LRRC40: variants seen among roughly 807,000 people sequenced by gnomAD.
LRRC40 encodes leucine rich repeat containing 40.
In LRRC40, 76 loss-of-function variants were observed where a neutral mutation model predicts 72.8. That is an observed-to-expected ratio of 1.04 (90% CI 0.87 to 1.26). The LOEUF (loss-of-function observed/expected upper bound fraction) is 1.26, where lower values mean the gene tolerates loss of function less well. Among genes scored for constraint, LRRC40 ranks in the 50% most tolerant of loss-of-function variants. The probability of loss-of-function intolerance (pLI) is 0.00; values close to 1 mark genes in which losing one functional copy is unlikely to be tolerated. For synonymous variants in LRRC40, 243 were observed against 254.2 expected (o/e 0.96, Z 0.42); for missense variants, 684 against 698.9 (o/e 0.98, Z 0.24).
At chr1:70,164,590 T>C (rs1205709361) in intron 9 of LRRC40, among the ~76,000 whole-genome samples, 1 of 152,156 alleles carries the variant, frequency 6.6e-6, no homozygotes, top group Non-Finnish European at 1.5e-5. Context: ...GACCTCACCC[T>C]TGGCAGGCAC....
intron 13 of LRRC40, 31 bp from the exon 14 acceptor site, chr1:70,148,703 T>C (rs746593054): frequency 7.3e-6 from 10 of 1,376,200 alleles, no homozygotes; most frequent in Non-Finnish European, 9.0e-6. Context: ...CACCTAAATA[T>C]ACTGGAATCA....
intron 3 of LRRC40, among the ~76,000 whole-genome samples, chr1:70,185,408 C>T (rs1668339277): frequency 6.6e-6 from 1 of 152,142 alleles, no homozygotes. Flanking sequence ...CTCATGAGTC[C>T]TGATGGTTTT....
chr1:70,179,098 A>G, intron 5 of LRRC40, 105 bp from the exon 6 acceptor site: 1 of 524,446 alleles, frequency 1.9e-6, no homozygotes, highest in Non-Finnish European at 3.2e-6. Flanking sequence ...AGGACTTATG[A>G]ACCTGTGCCA....
At chr1:70,154,368 GATAAA>G in intron 11 of LRRC40, among the ~76,000 whole-genome samples, 1 of 152,264 alleles carries the variant, frequency 6.6e-6, no homozygotes, top group East Asian at 1.9e-4. Flanking sequence ...CAGATAGTGA[GATAAA>G]ATGAGGCAGT....
intron 4 of LRRC40, among the ~76,000 whole-genome samples, chr1:70,184,510 G>A (rs1025558787): frequency 1.1e-4 from 17 of 151,956 alleles, no homozygotes; most frequent in Non-Finnish European, 2.2e-4. Context: ...CCTCTATTCT[G>A]CTATGCTGTA....
chr1:70,171,742 G>A (rs1035018058), intron 9 of LRRC40, among the ~76,000 whole-genome samples: 4 of 152,144 alleles, frequency 2.6e-5, no homozygotes, highest in African/African-American at 4.8e-5. Flanking sequence ...TATACTACTG[G>A]TGAGAATGTA....
rs1487890078 is a variant in LRRC40, at chr1:70,172,278, TAC to T, written c.1111+1185_1111+1186del. Among the ~76,000 whole-genome samples, 5 of 152,172 alleles carry T rather than the reference TAC, an allele frequency of 3.3e-5. No homozygotes were observed. In the South Asian group the frequency reaches 1.0e-3, roughly 31 times the overall value. On this transcript the variant is annotated intron_variant, in intron 9 of 14. Coordinates refer to ENST00000370952, the MANE Select transcript of LRRC40 (RefSeq NM_017768.5). ...CAATAAATTTCTGTTATTTATAAAT[TAC>T]AGTCTAAGATATTTTATTATAGTAG...
chr1:70,160,147 TAG>T (rs1667725445), intron 9 of LRRC40, among the ~76,000 whole-genome samples: 1 of 152,094 alleles, frequency 6.6e-6, no homozygotes. Context: ...ACTTGAACGA[TAG>T]AGAAGTAAAA....
intron 9 of LRRC40, among the ~76,000 whole-genome samples, chr1:70,163,234 G>C (rs1279485552): frequency 6.6e-6 from 1 of 151,860 alleles, no homozygotes; most frequent in Non-Finnish European, 1.5e-5. Context: ...CGCCACCATG[G>C]AACTTTATCA....
At chr1:70,194,336 C>T (rs1406585277) in intron 1 of LRRC40, among the ~76,000 whole-genome samples, 1 of 149,108 alleles carries the variant, frequency 6.7e-6, no homozygotes, top group Non-Finnish European at 1.5e-5. Context: ...AAAAGATTTA[C>T]AATACAAGAC....
chr1:70,148,791 T>C (rs1356794507), intron 13 of LRRC40, 119 bp from the exon 14 acceptor site: 2 of 552,292 alleles, frequency 3.6e-6, no homozygotes, highest in Non-Finnish European at 5.9e-6. Context: ...TATTCTGTAA[T>C]TGGCATTAAG....
chr1:70,180,975 A>C (rs1668231462), intron 5 of LRRC40, 111 bp downstream of exon 5: 4 of 728,698 alleles, frequency 5.5e-6, no homozygotes, highest in Non-Finnish European at 8.2e-6. Context: ...TGCATTTACC[A>C]CTATAAAAAT....
intron 1 of LRRC40, among the ~76,000 whole-genome samples, chr1:70,189,597 T>G (rs1037717406): frequency 2.0e-5 from 3 of 152,200 alleles, no homozygotes; most frequent in Non-Finnish European, 4.4e-5. Context: ...CAACAAAGAA[T>G]GCATTCTACC....
At chr1:70,184,682 CT>C in intron 4 of LRRC40, 102 bp downstream of exon 4, 7 of 1,051,724 alleles carry the variant, frequency 6.7e-6, no homozygotes, top group Non-Finnish European at 9.4e-6. Flanking sequence ...ACAAAATCAG[CT>C]GTCCATGTTC....
intron 1 of LRRC40, among the ~76,000 whole-genome samples, chr1:70,203,176 T>C (rs1668786321): frequency 6.6e-6 from 1 of 152,124 alleles, no homozygotes; most frequent in Non-Finnish European, 1.5e-5. Context: ...ATTACAGGCA[T>C]GAGCTACTAT....
intron 12 of LRRC40, chr1:70,151,865 A>G (rs1425618460): frequency 6.6e-6 from 1 of 152,124 alleles, no homozygotes; most frequent in African/African-American, 2.4e-5. Flanking sequence ...CAATATAACT[A>G]CTAATAATGA....
chr1:70,179,171 A>T (rs1571471756), intron 5 of LRRC40, among the ~76,000 whole-genome samples, 178 bp from the exon 6 acceptor site: 1 of 152,328 alleles, frequency 6.6e-6, no homozygotes, highest in East Asian at 1.9e-4. Context: ...ACATTTAATT[A>T]TAATTAAAGA....
At chr1:70,201,223 T>C (rs558400129) in intron 1 of LRRC40, among the ~76,000 whole-genome samples, 1 of 152,296 alleles carries the variant, frequency 6.6e-6, no homozygotes, top group Non-Finnish European at 1.5e-5. Flanking sequence ...TTTGAGGTAC[T>C]AATATTTTGG....
chr1:70,164,467 A>C (rs1212879597), intron 9 of LRRC40, among the ~76,000 whole-genome samples: 1 of 152,174 alleles, frequency 6.6e-6, no homozygotes, highest in Non-Finnish European at 1.5e-5. Flanking sequence ...CCTCCCAAAG[A>C]CCACAATTCT....
Sources: gnomAD v4.1 joint callset for allele counts (sites outside exome capture counted in the v4.1 genomes callset) on GRCh38, gnomAD v4.1.1 for gene constraint, MANE v1.5 for transcripts, NCBI Gene and HGNC (gene_info 2026-07-23, HGNC 2026-07-21) for gene names.